PARP15: variants seen among roughly 807,000 people sequenced by gnomAD.
The protein encoded by PARP15 is poly(ADP-ribose) polymerase family member 15.
Under a neutral mutation model 62.1 loss-of-function variants are expected in PARP15, and 50 were observed. That is an observed-to-expected ratio of 0.81 (90% confidence interval 0.64 to 1.02). The LOEUF (loss-of-function observed/expected upper bound fraction) is 1.02. Among genes scored for constraint, PARP15 ranks in the 50% least tolerant of loss-of-function variants. The pLI is 0.00. For missense variants in PARP15, 820 were observed against 826.5 expected (o/e 0.99, Z 0.10); for synonymous variants, 309 against 293.1 (o/e 1.05, Z -0.55).
chr3:122,620,694 G>C (rs558254530), intron 7 of PARP15, among the ~76,000 whole-genome samples: 1 of 130,414 alleles, frequency 7.7e-6, no homozygotes, highest in Admixed American at 8.7e-5. Flanking sequence ...AGGTGGGCTG[G>C]ACAAGCTGGA....
chr3:122,627,360 C>T (rs186818453), intron 9 of PARP15, among the ~76,000 whole-genome samples: 22 of 152,230 alleles, frequency 1.4e-4, no homozygotes, highest in Admixed American at 1.4e-3. Flanking sequence ...CCCTCATTTC[C>T]TCTTGGAGCT....
chr3:122,634,955 C>A, intron 10 of PARP15, 65 bp from the exon 11 acceptor site: 1 of 1,466,956 alleles, frequency 6.8e-7, no homozygotes, highest in Non-Finnish European at 9.3e-7. Flanking sequence ...TTTAAATCCA[C>A]AACAAGTACA....
At chr3:122,585,074 A>T (rs1369108141) in intron 1 of PARP15, among the ~76,000 whole-genome samples, 4 of 152,144 alleles carry the variant, frequency 2.6e-5, no homozygotes, top group African/African-American at 9.7e-5. Context: ...AGTGCTTTAA[A>T]CATTGATCTC....
intron 1 of PARP15, among the ~76,000 whole-genome samples, chr3:122,583,733 GCTTTACC>G (rs1933167602): frequency 6.6e-6 from 1 of 152,144 alleles, no homozygotes; most frequent in Non-Finnish European, 1.5e-5. Flanking sequence ...CCTTCTGAAT[GCTTTACC>G]CTATACCATA....
intron 8 of PARP15, among the ~76,000 whole-genome samples, chr3:122,624,019 C>T (rs898758994): frequency 7.9e-5 from 12 of 151,944 alleles, no homozygotes; most frequent in East Asian, 1.9e-4. Flanking sequence ...GGCGTGGTGG[C>T]GGACACCTCT....
intron 1 of PARP15, among the ~76,000 whole-genome samples, chr3:122,583,398 A>T (rs373267127): frequency 6.6e-5 from 10 of 152,076 alleles, no homozygotes; most frequent in East Asian, 1.9e-4. Context: ...AAGTGCTGGG[A>T]TTACAGGCGT....
At chr3:122,604,471 A>G (rs1553729718) in intron 1 of PARP15, among the ~76,000 whole-genome samples, 1 of 152,282 alleles carries the variant, frequency 6.6e-6, no homozygotes, top group Non-Finnish European at 1.5e-5. Flanking sequence ...TAATCCCAGC[A>G]CTTTGGGAGG....
At chr3:122,617,404 G>A (rs1936051756) in intron 6 of PARP15, among the ~76,000 whole-genome samples, 1 of 152,134 alleles carries the variant, frequency 6.6e-6, no homozygotes, top group Non-Finnish European at 1.5e-5. Flanking sequence ...TCCCAGGAGA[G>A]GATTAGATGG....
At chr3:122,588,396 C>T (rs1444278554) in intron 1 of PARP15, among the ~76,000 whole-genome samples, 2 of 149,868 alleles carry the variant, frequency 1.3e-5, no homozygotes, top group Non-Finnish European at 1.5e-5. Flanking sequence ...TTTTTTGGTA[C>T]CAGCTTTATT....
intron 1 of PARP15, among the ~76,000 whole-genome samples, chr3:122,584,503 G>C (rs1933244443): frequency 6.6e-6 from 1 of 151,168 alleles, no homozygotes; most frequent in African/African-American, 2.4e-5. Context: ...GTTTTCCTAA[G>C]TAAGATGCTT....
intron 4 of PARP15, chr3:122,614,958 G>A (rs1316825125): frequency 3.6e-6 from 2 of 563,292 alleles, no homozygotes; most frequent in African/African-American, 4.2e-5. Flanking sequence ...TGAGTCCAGG[G>A]GGTTGAGGCT....
intron 1 of PARP15, among the ~76,000 whole-genome samples, chr3:122,586,611 G>A (rs145290924): frequency 6.6e-6 from 1 of 152,174 alleles, no homozygotes; most frequent in East Asian, 1.9e-4. Context: ...TTTATAATTG[G>A]TATTTAAGGA....
At chr3:122,599,527 T>TCTTTC (rs79952349) in intron 1 of PARP15, among the ~76,000 whole-genome samples, 125,730 of 147,684 alleles carry the variant, frequency 0.85, 53,422 homozygotes, top group East Asian at 0.94. Flanking sequence ...TTTTTTCTTT[T>TCTTTC]CTTTCCTTTC....
chr3:122,632,334 G>T, intron 10 of PARP15, 115 bp downstream of exon 10: 1 of 1,015,806 alleles, frequency 9.8e-7, no homozygotes, highest in Non-Finnish European at 1.4e-6. Flanking sequence ...ATTTTAACTG[G>T]AATTAGACTT....
chr3:122,604,855 T>G (rs551698734), intron 1 of PARP15, among the ~76,000 whole-genome samples: 1 of 148,906 alleles, frequency 6.7e-6, no homozygotes, highest in East Asian at 2.0e-4. Context: ...GGCAAGACTC[T>G]GTTCAAAAAG....
chr3:122,613,323 A>G (rs1935711673), intron 4 of PARP15, 55 bp downstream of exon 4: 1 of 1,384,090 alleles, frequency 7.2e-7, no homozygotes, highest in African/African-American at 1.4e-5. Flanking sequence ...AAGCGCATTC[A>G]GATGTTTTTA....
intron 4 of PARP15, among the ~76,000 whole-genome samples, chr3:122,613,915 A>G (rs1351366788): frequency 1.4e-5 from 2 of 144,056 alleles, no homozygotes; most frequent in Non-Finnish European, 3.0e-5. Flanking sequence ...GCGTGATCTC[A>G]GCTCAATGCA....
chr3:122,591,268 A>G (rs1933885573), intron 1 of PARP15, among the ~76,000 whole-genome samples: 1 of 152,196 alleles, frequency 6.6e-6, no homozygotes, highest in South Asian at 2.1e-4. Flanking sequence ...GATAAAATGG[A>G]AGAAGTGGAA....
At chr3:122,584,573 C>CTT (rs377394521) in intron 1 of PARP15, among the ~76,000 whole-genome samples, 1 of 136,908 alleles carries the variant, frequency 7.3e-6, no homozygotes, top group Non-Finnish European at 1.5e-5. Context: ...CCATTTCTTT[C>CTT]CTTTTTTTTT....
Sources: allele counts gnomAD v4.1 joint callset (sites outside exome capture counted in the v4.1 genomes callset), GRCh38; gene constraint gnomAD v4.1.1; transcripts MANE v1.5; gene names NCBI Gene and HGNC (gene_info 2026-07-23, HGNC 2026-07-21).